YTHDF3: variants seen among roughly 807,000 people sequenced by gnomAD.
The protein encoded by YTHDF3 is YTH domain-containing family protein 3.
A neutral mutation model predicts 52.5 loss-of-function variants in YTHDF3; 9 were observed. The ratio of observed to expected loss-of-function variants is 0.17; its 90% CI spans 0.10 to 0.30. The LOEUF is 0.30. Among genes scored for constraint, YTHDF3 ranks in the 10% least tolerant of loss-of-function variants. The pLI, the probability that YTHDF3 is intolerant of heterozygous loss-of-function variation, is 1.00. For synonymous variants in YTHDF3, 274 were observed against 243.3 expected (o/e 1.13, Z -1.18); for missense variants, 534 against 715.0 (o/e 0.75, Z 2.89).
At chr8:63,197,591 A>G (rs892364996) in intron 4 of YTHDF3, among the ~76,000 whole-genome samples, 2 of 152,210 alleles carry the variant, frequency 1.3e-5, no homozygotes. Context: ...AATTAAAAAT[A>G]GCGTGGCTTG....
intron 2 of YTHDF3, 55 bp downstream of exon 2, chr8:63,169,466 T>G: frequency 6.5e-7 from 1 of 1,529,240 alleles, no homozygotes; most frequent in Non-Finnish European, 8.9e-7. Flanking sequence ...ATGTTACTTT[T>G]AAACTCTGTG....
Position 63,187,737 on chromosome 8 carries a change from A to G in YTHDF3, c.1726A>G (p.Met576Val). 2.5e-6 allele frequency: 4 copies of G among 1,603,748 alleles called. No individual in the cohort carries two copies. Among genetic ancestry groups the G allele is most frequent in the Non-Finnish European group, 3.4e-6 (4 of 1,175,130 alleles). ...YEKRQEEEEA[M>V]RRERNRNKQ Reference sequence around the variant, plus strand: ...AAAGCGTCAAGAAGAGGAGGAAGCCATGCGTAGGGTAAGAATATAGTAATT... The same window carrying G: ...AAAGCGTCAAGAAGAGGAGGAAGCCGTGCGTAGGGTAAGAATATAGTAATT... Residue 576 changes from methionine (M) to valine (V), a missense_variant, in exon 4 of 5, where the codon ATG (methionine) becomes GTG (valine). Coordinates refer to ENST00000539294, the MANE Select transcript of YTHDF3 (RefSeq NM_152758.6).
intron 4 of YTHDF3, among the ~76,000 whole-genome samples, chr8:63,209,324 G>C (rs886962333): frequency 5.3e-5 from 8 of 151,930 alleles, no homozygotes; most frequent in African/African-American, 1.9e-4. Context: ...TTTTTCTCCT[G>C]CCCCTACCTC....
chr8:63,196,496 A>G (rs916193050), intron 4 of YTHDF3, among the ~76,000 whole-genome samples: 4 of 151,800 alleles, frequency 2.6e-5, no homozygotes, highest in African/African-American at 9.7e-5. Context: ...CAGGAGGCGG[A>G]AGTTGCAGTG....
chr8:63,199,647 T>G (rs1331959363), intron 4 of YTHDF3, among the ~76,000 whole-genome samples: 3 of 152,250 alleles, frequency 2.0e-5, no homozygotes, highest in Non-Finnish European at 4.4e-5. Context: ...TTAAGGTATG[T>G]GTGTCCAAGG....
chr8:63,187,774 G>T (rs1383570488), intron 4 of YTHDF3, 29 bp downstream of exon 4: 3 of 1,547,718 alleles, frequency 1.9e-6, no homozygotes, highest in Non-Finnish European at 2.6e-6. Context: ...TTTGTTTGGG[G>T]TCTTTGTATT....
At chr8:63,182,259 T>TA (rs1220264431) in intron 3 of YTHDF3, among the ~76,000 whole-genome samples, 13 of 138,038 alleles carry the variant, frequency 9.4e-5, no homozygotes, top group Non-Finnish European at 1.4e-4. Flanking sequence ...TTTTTTTTTT[T>TA]AATGAGATAG....
At chr8:63,179,352 A>C (rs1807917619) in intron 3 of YTHDF3, among the ~76,000 whole-genome samples, 1 of 152,156 alleles carries the variant, frequency 6.6e-6, no homozygotes, top group South Asian at 2.1e-4. Flanking sequence ...TTTCCTAGGC[A>C]GAGGACCCTG....
intron 2 of YTHDF3, among the ~76,000 whole-genome samples, chr8:63,170,205 TTATA>T (rs746970682): frequency 1.1e-4 from 17 of 152,146 alleles, no homozygotes; most frequent in East Asian, 5.8e-4. Flanking sequence ...TCAGAGCAAA[TTATA>T]TATAACATTT....
intron 4 of YTHDF3, among the ~76,000 whole-genome samples, chr8:63,194,501 T>TA (rs201997658): frequency 3.2e-4 from 48 of 149,326 alleles, no homozygotes; most frequent in East Asian, 2.9e-3. Context: ...ACAATAAAAG[T>TA]AAAAAAAAAA....
intron 2 of YTHDF3, chr8:63,172,703 C>T: frequency 8.9e-7 from 1 of 1,125,612 alleles, no homozygotes; most frequent in Non-Finnish European, 1.1e-6. Context: ...TTGATGTAGT[C>T]AGGACCAGAG....
Position 63,209,877 on chromosome 8 carries a change from T to TTA in YTHDF3, c.*174_*175dup. The TTA allele has an allele frequency of 1.7e-6, 1 of 601,354 alleles. No individual in the cohort carries two copies. The highest frequency in any genetic ancestry group is 2.8e-6 in the Non-Finnish European group (1 of 359,974). The allele number at this position is 601,354 out of a possible 1,614,324, so 37.3% of individuals were successfully genotyped here. On this transcript the variant is annotated 3_prime_UTR_variant, in exon 5 of 5. Transcript: ENST00000539294. Reference sequence around the variant, plus strand: ...ATGGTTTTCATCAGCGCATCTGCCCTTATACTCTTCACCAAACACACTTGA... The same window carrying TTA: ...ATGGTTTTCATCAGCGCATCTGCCCTTATATACTCTTCACCAAACACACTTGA...
At chr8:63,172,724 C>T (rs1807412075) in intron 2 of YTHDF3, 2 of 1,219,506 alleles carry the variant, frequency 1.6e-6, no homozygotes, top group Non-Finnish European at 2.0e-6. Context: ...CAAAGAATCA[C>T]CTGGCTCCTA....
In YTHDF3 at chr8:63,186,410, C is replaced by T. The variant is rs267601964; in HGVS notation, c.399C>T (p.Phe133=). 3 of 1,614,016 alleles carry T rather than the reference C, an allele frequency of 1.9e-6. No individual in the cohort carries two copies. Among genetic ancestry groups the T allele is most frequent in the Non-Finnish European group, 2.5e-6 (3 of 1,179,896 alleles). Residue 133 remains phenylalanine, a synonymous_variant, in exon 4 of 5, where the codon TTC becomes TTT. Coordinates refer to ENST00000539294, the MANE Select transcript of YTHDF3 (RefSeq NM_152758.6). ...GFNFFPGNAD[F]STWGTSGSQG... is the part of the protein sequence containing the mutation. ...ACTTTTTTCCTGGTAATGCTGATTT[C>T]TCTACATGGGGGACAAGTGGATCTC...
chr8:63,180,535 G>T (rs1344682232), intron 3 of YTHDF3, among the ~76,000 whole-genome samples: 1 of 151,854 alleles, frequency 6.6e-6, no homozygotes, highest in Non-Finnish European at 1.5e-5. Flanking sequence ...GACGATGGGC[G>T]GCCGGGCAGA....
intron 3 of YTHDF3, 130 bp from the exon 4 acceptor site, chr8:63,186,017 T>C: frequency 9.9e-7 from 1 of 1,006,846 alleles, no homozygotes; most frequent in Non-Finnish European, 1.4e-6. Context: ...AATTTTAATT[T>C]TGTTTATCTA....
chr8:63,183,449 C>G (rs895799846), intron 3 of YTHDF3, among the ~76,000 whole-genome samples: 1 of 152,068 alleles, frequency 6.6e-6, no homozygotes, highest in Non-Finnish European at 1.5e-5. Flanking sequence ...TTCGTAGCTT[C>G]CAAAGTTTAG....
At position 63,186,365 on chromosome 8, in the gene YTHDF3, T is replaced by C. The variant is rs1408964670; in HGVS notation, c.354T>C (p.Phe118=). ...GGGCATTAGGAAATACCCCTCCATT[T>C]CTTGGTCAACATGGATTTAACTTTT... ...QPGALGNTPP[F]LGQHGFNFFP... Residue 118 remains phenylalanine, a synonymous_variant, in exon 4 of 5, where the codon TTT becomes TTC. Transcript: ENST00000539294. 4 of 1,613,962 alleles carry C rather than the reference T, an allele frequency of 2.5e-6. No homozygotes were observed. The African/African-American group carries it at 4.0e-5, about 16-fold the overall frequency.
At chr8:63,191,794 A>G (rs1288661645) in intron 4 of YTHDF3, among the ~76,000 whole-genome samples, 1 of 152,110 alleles carries the variant, frequency 6.6e-6, no homozygotes, top group African/African-American at 2.4e-5. Flanking sequence ...TCAGCATGGT[A>G]TCTTTGCAAT....
Sources: gnomAD v4.1 joint callset for allele counts (sites outside exome capture counted in the v4.1 genomes callset) on GRCh38, gnomAD v4.1.1 for gene constraint, MANE v1.5 for transcripts, NCBI Gene and HGNC (gene_info 2026-07-23, HGNC 2026-07-21) for gene names.